The following ANKRD62 variants were observed in gnomAD, a reference collection of about 807,000 sequenced individuals.
The protein encoded by ANKRD62 is ankyrin repeat domain-containing protein 62.
In ANKRD62, 61 loss-of-function variants were observed where a neutral mutation model predicts 98.8. The ratio of observed to expected loss-of-function variants is 0.62; its 90% CI spans 0.50 to 0.76. The LOEUF (loss-of-function observed/expected upper bound fraction) is 0.76, where lower values mean the gene tolerates loss of function less well. ANKRD62 is among the 30% of genes least tolerant of loss of function. The pLI is 0.00. For synonymous variants in ANKRD62, 341 were observed against 367.9 expected (o/e 0.93, Z 0.84); for missense variants, 933 against 1,082.9 (o/e 0.86, Z 1.94).
intron 3 of ANKRD62, 36 bp from the exon 4 acceptor site, chr18:12,096,159 AT>A (rs1909177915): frequency 3.7e-6 from 5 of 1,347,436 alleles, no homozygotes; most frequent in Non-Finnish European, 5.1e-6. Context: ...GAAGTATGTA[AT>A]TTTGTGAATT....
At chr18:12,095,094 G>A (rs1382951335) in intron 1 of ANKRD62, 77 bp from the exon 2 acceptor site, 2 of 1,030,266 alleles carry the variant, frequency 1.9e-6, no homozygotes, top group Non-Finnish European at 1.5e-6. Context: ...ACTATTGGAT[G>A]TTTACAATTG....
Position 12,094,164 on chromosome 18 carries a change from T to C in ANKRD62, c.147T>C (p.Gly49=). 3.9e-6 allele frequency: 6 copies of C among 1,531,664 alleles called. No individual in the cohort carries two copies. The highest frequency in any genetic ancestry group is 5.2e-6 in the Non-Finnish European group (6 of 1,146,036). The allele number at this position is 1,531,664 out of a possible 1,614,324, so 94.9% of individuals were successfully genotyped here. ...TGATCCACAAAGCTGCCATCGCAGG[T>C]GATGTGAACAAGGTGATGGAGAGCA... ...LGMIHKAAIA[G]DVNKVMESIL... is the part of the protein sequence containing the mutation. Residue 49 remains glycine (G), a synonymous_variant, in exon 1 of 14, where the codon GGT becomes GGC. Coordinates refer to ENST00000587848, the MANE Select transcript of ANKRD62 (RefSeq NM_001277333.2).
intron 10 of ANKRD62, among the ~76,000 whole-genome samples, chr18:12,116,677 A>C (rs1203292207): frequency 6.6e-6 from 1 of 152,114 alleles, no homozygotes; most frequent in Non-Finnish European, 1.5e-5. Flanking sequence ...TGATTTTTCT[A>C]TTCTTTGTTG....
chr18:12,127,932 C>T lies in ANKRD62; in HGVS notation c.2747C>T (p.Thr916Ile). The part of the protein sequence containing the change: ...VCMKLSMSTV[T>I]L ...ATGAAACTTAGCATGTCAACAGTTA[C>T]TCTGTAGCTGGTTAAATAATATCAA... Residue 916 changes from threonine (T) to isoleucine (I), a missense_variant, in exon 14 of 14, where the codon ACT (threonine) becomes ATT (isoleucine). Transcript: ENST00000587848. 6.9e-7 allele frequency: 1 copy of T among 1,459,358 alleles called. No homozygotes were observed. The allele number at this position is 1,459,358 out of a possible 1,614,324, so 90.4% of individuals were successfully genotyped here. A position where few individuals can be genotyped will look rare whatever the true frequency, so the allele number is the denominator to read the frequency against.
chr18:12,115,605 G>A (rs918657889), intron 10 of ANKRD62, 71 bp downstream of exon 10: 15 of 1,344,172 alleles, frequency 1.1e-5, no homozygotes, highest in Admixed American at 2.5e-5. Context: ...TGCTTAGCAC[G>A]GCACCATAGA....
the ANKRD62 span, among the ~76,000 whole-genome samples, chr18:12,137,512 T>A: frequency 1.3e-5 from 2 of 152,204 alleles, no homozygotes; most frequent in African/African-American, 4.8e-5. Flanking sequence ...AAATTCTCTT[T>A]TTTGGTTGTG....
the ANKRD62 span, among the ~76,000 whole-genome samples, chr18:12,146,271 T>C: frequency 3.3e-5 from 5 of 152,236 alleles, no homozygotes; most frequent in African/African-American, 1.2e-4. Flanking sequence ...GGCAGACATC[T>C]TAAACCTCAC....
At chr18:12,102,732 A>G in intron 6 of ANKRD62, 1 of 1,008,984 alleles carries the variant, frequency 9.9e-7, no homozygotes, top group Non-Finnish European at 1.2e-6. Flanking sequence ...ATAAGCAGTA[A>G]CAGTCATATT....
At chr18:12,168,634 A>G in the ANKRD62 span, among the ~76,000 whole-genome samples, 3 of 152,166 alleles carry the variant, frequency 2.0e-5, no homozygotes, top group African/African-American at 7.2e-5. Context: ...CTTTCATTCC[A>G]TGTGGACTTT....
At chr18:12,167,603 CAT>C in the ANKRD62 span, among the ~76,000 whole-genome samples, 1 of 152,266 alleles carries the variant, frequency 6.6e-6, no homozygotes, top group African/African-American at 2.4e-5. Flanking sequence ...CACATGTGTG[CAT>C]GTGTCTTTAT....
intron 13 of ANKRD62, 42 bp from the exon 14 acceptor site, chr18:12,127,705 TA>T: frequency 7.6e-7 from 1 of 1,310,792 alleles, no homozygotes; most frequent in Non-Finnish European, 9.8e-7. Flanking sequence ...AATTTAATAA[TA>T]AGTGATATGT....
chr18:12,109,874 G>A (rs1202253148), intron 8 of ANKRD62, among the ~76,000 whole-genome samples: 4 of 145,616 alleles, frequency 2.7e-5, no homozygotes, highest in South Asian at 4.3e-4. Flanking sequence ...TCTGTCACTC[G>A]ATAAATGAAT....
chr18:12,119,986 T>C (rs1295679820), intron 10 of ANKRD62, among the ~76,000 whole-genome samples: 1 of 152,196 alleles, frequency 6.6e-6, no homozygotes. Flanking sequence ...TTTTCATGTA[T>C]TTGAGTATTT....
intron 5 of ANKRD62, among the ~76,000 whole-genome samples, chr18:12,098,750 A>G (rs2143895566): frequency 6.6e-6 from 1 of 152,336 alleles, no homozygotes; most frequent in Admixed American, 6.5e-5. Flanking sequence ...TGAAAAAATA[A>G]CCACTTGCAT....
chr18:12,103,528 A>C (rs2143902222), intron 7 of ANKRD62, among the ~76,000 whole-genome samples: 1 of 152,254 alleles, frequency 6.6e-6, no homozygotes, highest in African/African-American at 2.4e-5. Context: ...TTAAGCAATA[A>C]AAATTATGAA....
chr18:12,123,552 C>T (rs1909825968), intron 11 of ANKRD62, among the ~76,000 whole-genome samples: 1 of 152,086 alleles, frequency 6.6e-6, no homozygotes, highest in Non-Finnish European at 1.5e-5. Context: ...AAAATACATA[C>T]TAATCAACAG....
intron 3 of ANKRD62, 41 bp downstream of exon 3, chr18:12,095,651 A>G (rs1909166598): frequency 9.1e-6 from 13 of 1,430,212 alleles, no homozygotes; most frequent in African/African-American, 1.4e-5. Context: ...TTTCAAGTAT[A>G]TTTGTTTTAC....
At chr18:12,161,794 G>T in the ANKRD62 span, among the ~76,000 whole-genome samples, 1 of 151,944 alleles carries the variant, frequency 6.6e-6, no homozygotes, top group African/African-American at 2.4e-5. Context: ...TCTTTGCCTG[G>T]CCTATTCCAA....
the ANKRD62 span, among the ~76,000 whole-genome samples, chr18:12,162,684 T>C: frequency 1.3e-5 from 2 of 152,252 alleles, no homozygotes; most frequent in South Asian, 4.1e-4. Flanking sequence ...TTTGATTTGA[T>C]TTTTGTATAT....
Sources: gnomAD v4.1 joint callset for allele counts (sites outside exome capture counted in the v4.1 genomes callset) on GRCh38, gnomAD v4.1.1 for gene constraint, MANE v1.5 for transcripts, NCBI Gene and HGNC (gene_info 2026-07-23, HGNC 2026-07-21) for gene names.